KIAA1549: variants seen among roughly 807,000 people sequenced by gnomAD.
The protein encoded by KIAA1549 is UPF0606 protein KIAA1549.
A neutral mutation model predicts 156.4 loss-of-function variants in KIAA1549; 70 were observed. That is an observed-to-expected ratio of 0.45 (90% CI 0.37 to 0.55). The LOEUF is 0.55. Ranked by LOEUF, KIAA1549 falls within the 20% of genes least tolerant of loss-of-function variation. KIAA1549 has a pLI of 0.00. For synonymous variants in KIAA1549, 1,103 were observed against 1,066.4 expected, an observed-to-expected ratio of 1.03 and a Z score of -0.67; for missense variants, 2,428 against 2,540.9, an observed-to-expected ratio of 0.96 and a Z score of 0.96.
intron 9 of KIAA1549, among the ~76,000 whole-genome samples, chr7:138,898,496 G>A (rs975464696): frequency 9.2e-5 from 14 of 152,028 alleles, no homozygotes; most frequent in African/African-American, 3.1e-4. Context: ...AAGGATCAAG[G>A]ACTTCTCTGT....
At chr7:138,966,891 C>T (rs1814040811) in intron 1 of KIAA1549, among the ~76,000 whole-genome samples, 1 of 152,074 alleles carries the variant, frequency 6.6e-6, no homozygotes, top group Admixed American at 6.6e-5. Flanking sequence ...ATCTTGGACT[C>T]CAGAACTATG....
chr7:138,912,467 A>G lies in KIAA1549; in HGVS notation c.2879-7T>C. The G allele has an allele frequency of 1.2e-6, 2 of 1,611,322 alleles. No individual in the cohort carries two copies. Among genetic ancestry groups the G allele is most frequent in the Non-Finnish European group, 1.7e-6 (2 of 1,177,696 alleles). ...ACAGCTCTTCTGGCCAGCACTGCAA[A>G]TGAAAGCAAACCACCAAATGCCTTT... On this transcript the variant is annotated splice_region_variant and splice_polypyrimidine_tract_variant and intron_variant, in intron 2 of 19. Transcript: ENST00000422774.
In KIAA1549 at chr7:138,836,558, C is replaced by T. The variant is rs1054229164; in HGVS notation, c.*1348G>A. On this transcript the variant is annotated 3_prime_UTR_variant, in exon 20 of 20. Coordinates refer to ENST00000422774, the MANE Select transcript of KIAA1549 (RefSeq NM_001164665.2). ...TCTCTTAGCTAAGCCTGCTTTTCTT[C>T]TGAGTTTCACTCAGGTACCAGAAAA... The T allele has an allele frequency of 1.4e-5, 3 of 217,736 alleles. No homozygotes were observed. The highest frequency in any genetic ancestry group is 1.8e-5 in the Non-Finnish European group (2 of 108,328). 13.5% of individuals were successfully genotyped at this position (217,736 alleles called of 1,614,324 possible).
intron 12 of KIAA1549, among the ~76,000 whole-genome samples, chr7:138,874,326 C>T (rs1811020402): frequency 6.6e-6 from 1 of 152,038 alleles, no homozygotes; most frequent in East Asian, 1.9e-4. Context: ...TATTGTACCT[C>T]ATGGTAACTA....
chr7:138,890,646 G>A (rs556076766), intron 10 of KIAA1549, among the ~76,000 whole-genome samples: 1 of 152,300 alleles, frequency 6.6e-6, no homozygotes, highest in Non-Finnish European at 1.5e-5. Context: ...CTACACGTTA[G>A]GTGTGACAGG....
At chr7:138,844,608 G>A (rs933819132) in intron 17 of KIAA1549, 134 bp from the exon 18 acceptor site, 36 of 809,950 alleles carry the variant, frequency 4.4e-5, no homozygotes, top group African/African-American at 3.9e-4. Flanking sequence ...TCCTGGAAGG[G>A]GAAGAGATGT....
chr7:138,905,197 A>C lies in KIAA1549; in HGVS notation c.3461-116T>G, dbSNP rs1811972727. 3 of 726,642 alleles carry C rather than the reference A, an allele frequency of 4.1e-6. 1 individual carries two copies. 45.0% of individuals were successfully genotyped at this position (726,642 alleles called of 1,614,324 possible). A position where few individuals can be genotyped will look rare whatever the true frequency, so the allele number is the denominator to read the frequency against. On this transcript the variant is annotated intron_variant, in intron 6 of 19. Coordinates refer to ENST00000422774, the MANE Select transcript of KIAA1549 (RefSeq NM_001164665.2). Reference sequence around the variant, plus strand: ...TTTAGCTCTAAATGTGAAAGAACAAAATGTCAGATTAGCGTGAGGACGTGG... The same window carrying C: ...TTTAGCTCTAAATGTGAAAGAACAACATGTCAGATTAGCGTGAGGACGTGG...
intron 1 of KIAA1549, among the ~76,000 whole-genome samples, chr7:138,936,370 G>C (rs1199158933): frequency 6.6e-6 from 1 of 152,080 alleles, no homozygotes; most frequent in African/African-American, 2.4e-5. Context: ...GCCAGGTCCT[G>C]CCAGCACTGT....
intron 1 of KIAA1549, among the ~76,000 whole-genome samples, chr7:138,968,444 T>C (rs1814102064): frequency 6.6e-6 from 1 of 152,234 alleles, no homozygotes; most frequent in South Asian, 2.1e-4. Flanking sequence ...AGGCAATTCA[T>C]TGCAGCAGCG....
intron 17 of KIAA1549, among the ~76,000 whole-genome samples, chr7:138,849,036 A>G (rs901520878): frequency 3.9e-5 from 6 of 152,120 alleles, no homozygotes; most frequent in Non-Finnish European, 5.9e-5. Flanking sequence ...TCCAGCCCCA[A>G]ATTTATTAAC....
At chr7:138,977,691 G>A (rs1439261709) in intron 1 of KIAA1549, among the ~76,000 whole-genome samples, 1 of 120,260 alleles carries the variant, frequency 8.3e-6, no homozygotes, top group Non-Finnish European at 1.8e-5. Flanking sequence ...CACACGGAAA[G>A]AAACATGCAC....
chr7:138,979,368 G>C (rs1323529753), intron 1 of KIAA1549, among the ~76,000 whole-genome samples: 1 of 152,198 alleles, frequency 6.6e-6, no homozygotes, highest in Non-Finnish European at 1.5e-5. Context: ...AGTACACCCA[G>C]ATGGCCACAT....
intron 1 of KIAA1549, among the ~76,000 whole-genome samples, chr7:138,932,025 G>C (rs1256932424): frequency 2.0e-5 from 3 of 152,158 alleles, no homozygotes; most frequent in South Asian, 2.1e-4. Context: ...GCAGACAAGA[G>C]TGTCCCAACC....
rs1809550352 is a variant in KIAA1549 at position 138,832,152 on chromosome 7, A to G, written c.*5754T>C. 4.5e-6 allele frequency: 1 copy of G among 221,312 alleles called. No homozygotes were observed. Among genetic ancestry groups the G allele is most frequent in the Admixed American group, 5.8e-5 (1 of 17,108 alleles). The allele number at this position is 221,312 out of a possible 1,614,324, so 13.7% of individuals were successfully genotyped here. On this transcript the variant is annotated 3_prime_UTR_variant, in exon 20 of 20. Transcript: ENST00000422774. Reference sequence around the variant, plus strand: ...GTAATCAGGGACTGCAAGAGACTCAAGTCACTCAAAATTTCACCTCTGTCC... The same window carrying G: ...GTAATCAGGGACTGCAAGAGACTCAGGTCACTCAAAATTTCACCTCTGTCC...
intron 1 of KIAA1549, among the ~76,000 whole-genome samples, chr7:138,971,063 AC>A (rs1447528365): frequency 6.6e-6 from 1 of 151,884 alleles, no homozygotes; most frequent in African/African-American, 2.4e-5. Context: ...TCGACACAAC[AC>A]CCCAGGACCG....
At chr7:138,931,478 G>A (rs1812868773) in intron 1 of KIAA1549, among the ~76,000 whole-genome samples, 1 of 152,152 alleles carries the variant, frequency 6.6e-6, no homozygotes. Context: ...TTGGCCAGGC[G>A]TGGTGGCTCA....
rs143654395 is a variant in KIAA1549 at position 138,904,193 on chromosome 7, T to C, written c.3521-457A>G. Among the ~76,000 whole-genome samples the C allele has an allele frequency of 9.1e-4, 138 of 152,310 alleles. 1 individual carries two copies. The highest frequency in any genetic ancestry group is 1.1e-3 in the Non-Finnish European group (74 of 68,004). ...AACTTGAAAAAAGGAAGCCTGCCCA[T>C]CTTTAGTTATCTATTTCAGACAAGA... On this transcript the variant is annotated intron_variant, in intron 7 of 19. Coordinates refer to ENST00000422774, the MANE Select transcript of KIAA1549 (RefSeq NM_001164665.2).
chr7:138,912,801 T>C (rs1019906916), intron 2 of KIAA1549, among the ~76,000 whole-genome samples: 1 of 152,188 alleles, frequency 6.6e-6, no homozygotes, highest in Non-Finnish European at 1.5e-5. Context: ...CATTTTCACC[T>C]GGACAAATTC....
chr7:138,846,816 T>A (rs1233133109), intron 17 of KIAA1549, among the ~76,000 whole-genome samples: 3 of 152,182 alleles, frequency 2.0e-5, no homozygotes, highest in African/African-American at 7.2e-5. Context: ...GAACCACTAA[T>A]TCACAGATGT....
Sources: allele counts gnomAD v4.1 joint callset (sites outside exome capture counted in the v4.1 genomes callset), GRCh38; gene constraint gnomAD v4.1.1; transcripts MANE v1.5; gene names NCBI Gene and HGNC (gene_info 2026-07-23, HGNC 2026-07-21).